RPRML: variants seen among roughly 807,000 people sequenced by gnomAD.
The protein encoded by RPRML is reprimo like.
In RPRML, 4 loss-of-function variants were observed where a neutral mutation model predicts 5.2. The observed-to-expected ratio is 0.77, with a 90% CI of 0.38 to 1.76. RPRML has a LOEUF of 1.76. Among genes scored for constraint, RPRML ranks in the 40% most tolerant of loss-of-function variants. The pLI, the probability that RPRML is intolerant of heterozygous loss-of-function variation, is 0.04. For missense variants in RPRML, 181 were observed against 177.7 expected (o/e 1.02, Z -0.11); for synonymous variants, 79 against 89.1 (o/e 0.89, Z 0.64).
chr17:46,979,008 C>A lies in RPRML; in HGVS notation c.-1G>T. The A allele has an allele frequency of 7.1e-7, 1 of 1,400,870 alleles. No individual in the cohort carries two copies. The highest frequency in any genetic ancestry group is 1.6e-5 in the South Asian group (1 of 64,012). The allele number at this position is 1,400,870 out of a possible 1,614,324, so 86.8% of individuals were successfully genotyped here. A position where few individuals can be genotyped will look rare whatever the true frequency, so the allele number is the denominator to read the frequency against. On this transcript the variant is annotated 5_prime_UTR_variant, in exon 1 of 1. Transcript: ENST00000322329. Reference sequence around the variant, plus strand: ...TGTGGTTCAGGAAGGTCGCGTTCATCGCCGCGCGGCGCCGGGGGTCTCGGC... The same window carrying A: ...TGTGGTTCAGGAAGGTCGCGTTCATAGCCGCGCGGCGCCGGGGGTCTCGGC...
At position 46,978,687 on chromosome 17, in the gene RPRML, C is replaced by T. The variant is rs746758980; in HGVS notation, c.321G>A (p.Arg107=). 2 of 1,610,816 alleles carry T rather than the reference C, an allele frequency of 1.2e-6. No individual in the cohort carries two copies. The highest frequency in any genetic ancestry group is 1.7e-5 in the Admixed American group (1 of 59,772). The change falls in exon 1 of 1, where the codon CGG becomes CGA. Residue 107 remains arginine (R), a synonymous_variant. Transcript: ENST00000322329. ...TGGCTGCGCCCACGTCCTTGGAGGG[C>T]CGGCGCTCCTGCACCAGAAAGTTGA... ...SMINFLVQER[R]PSKDVGAAIL...
rs1293914888 is a variant in RPRML, at chr17:46,979,243, G to A, written c.-236C>T. On this transcript the variant is annotated 5_prime_UTR_variant, in exon 1 of 1. Coordinates refer to ENST00000322329, the MANE Select transcript of RPRML (RefSeq NM_203400.5). The stretch of plus-strand genomic sequence containing the variant: ...AGGCGGCGCAGGAGCTGGAGCCGGA[G>A]AACCTAGTGTGCTTAGCGGTCGCCC... The A allele has an allele frequency of 5.0e-6, 2 of 401,834 alleles. No homozygotes were observed. Among genetic ancestry groups the A allele is most frequent in the Non-Finnish European group, 9.0e-6 (2 of 222,542 alleles). The allele number at this position is 401,834 out of a possible 1,614,324, so 24.9% of individuals were successfully genotyped here.
chr17:46,978,902 G>A lies in RPRML; in HGVS notation c.106C>T (p.Leu36=). The change falls in exon 1 of 1, where the codon CTG becomes TTG. Residue 36 remains leucine (L), a synonymous_variant. Transcript: ENST00000322329. ...GGTGCGCCCCCTGGACAGCAGCCCAGCCACGTGCCCAGCCCGTGGGTGCGG... is the reference window on the plus strand; with the variant it reads ...GGTGCGCCCCCTGGACAGCAGCCCAACCACGTGCCCAGCCCGTGGGTGCGG... ...GNRTHGLGTW[L]GCCPGGAPLA... The A allele has an allele frequency of 6.7e-7, 1 of 1,498,046 alleles. No homozygotes were observed. 92.8% of individuals were successfully genotyped at this position (1,498,046 alleles called of 1,614,324 possible). A position where few individuals can be genotyped will look rare whatever the true frequency, so the allele number is the denominator to read the frequency against.
In RPRML at chr17:46,978,620, T is replaced by C. The variant is rs750733017; in HGVS notation, c.*25A>G. 2.6e-6 allele frequency: 4 copies of C among 1,561,866 alleles called. No individual in the cohort carries two copies. The highest frequency in any genetic ancestry group is 2.8e-5 in the African/African-American group (2 of 71,762). On this transcript the variant is annotated 3_prime_UTR_variant, in exon 1 of 1. Transcript: ENST00000322329. ...TCCGGGGTCCTTCTTGCAGCAGCGC[T>C]GGCGAGGGCGGACCCAGATGGCGCT...
chr17:46,978,573 G>T lies in RPRML; in HGVS notation c.*72C>A, dbSNP rs2091464721. On this transcript the variant is annotated 3_prime_UTR_variant, in exon 1 of 1. Coordinates refer to ENST00000322329, the MANE Select transcript of RPRML (RefSeq NM_203400.5). ...CCCGGAGGCGGCGGCAGAGCGCAGA[G>T]AGCGGGGCGAGGGTCCGGGTCTCCG... 8 of 1,506,250 alleles carry T rather than the reference G, an allele frequency of 5.3e-6. No homozygotes were observed. Among genetic ancestry groups the T allele is most frequent in the Non-Finnish European group, 7.1e-6 (8 of 1,128,180 alleles). The allele number at this position is 1,506,250 out of a possible 1,614,324, so 93.3% of individuals were successfully genotyped here.
rs963516409 is a variant in RPRML, at chr17:46,978,509, C to T, written c.*136G>A. On this transcript the variant is annotated 3_prime_UTR_variant, in exon 1 of 1. Transcript: ENST00000322329. ...CCCGCGCCCCCGCCGACAGTCTCGC[C>T]GCGTCCCCGCCCGGGCGCCCCAGGC... is the stretch of plus-strand genomic sequence containing the variant. 14 of 1,076,258 alleles carry T rather than the reference C, an allele frequency of 1.3e-5. No individual in the cohort carries two copies. Among genetic ancestry groups the T allele is most frequent in the Admixed American group, 9.3e-5 (3 of 32,122 alleles). The allele number at this position is 1,076,258 out of a possible 1,614,324, so 66.7% of individuals were successfully genotyped here. A position where few individuals can be genotyped will look rare whatever the true frequency, so the allele number is the denominator to read the frequency against.
chr17:46,978,566 G>T lies in RPRML; in HGVS notation c.*79C>A. 1.4e-6 allele frequency: 2 copies of T among 1,480,004 alleles called. No individual in the cohort carries two copies. Among genetic ancestry groups the T allele is most frequent in the South Asian group, 2.6e-5 (2 of 77,808 alleles). The allele number at this position is 1,480,004 out of a possible 1,614,324, so 91.7% of individuals were successfully genotyped here. ...CTGCCCGCCCGGAGGCGGCGGCAGA[G>T]CGCAGAGAGCGGGGCGAGGGTCCGG... is the stretch of plus-strand genomic sequence containing the variant. On this transcript the variant is annotated 3_prime_UTR_variant, in exon 1 of 1. Transcript: ENST00000322329.
In RPRML at chr17:46,978,511, C is replaced by A; in HGVS notation, c.*134G>T. 1 of 1,076,538 alleles carries A rather than the reference C, an allele frequency of 9.3e-7. No individual in the cohort carries two copies. The highest frequency in any genetic ancestry group is 1.7e-5 in the South Asian group (1 of 59,722). The allele number at this position is 1,076,538 out of a possible 1,614,324, so 66.7% of individuals were successfully genotyped here. Reference sequence around the variant, plus strand: ...CGCGCCCCCGCCGACAGTCTCGCCGCGTCCCCGCCCGGGCGCCCCAGGCAC... The same window carrying A: ...CGCGCCCCCGCCGACAGTCTCGCCGAGTCCCCGCCCGGGCGCCCCAGGCAC... On this transcript the variant is annotated 3_prime_UTR_variant, in exon 1 of 1. Coordinates refer to ENST00000322329, the MANE Select transcript of RPRML (RefSeq NM_203400.5).
chr17:46,979,144 G>A lies in RPRML; in HGVS notation c.-137C>T. Reference sequence around the variant, plus strand: ...GGGGAGGGGACGAAGGCGGGAGGCTGGCTGCCTGCGCGCTCTCGGGCCGCC... The same window carrying A: ...GGGGAGGGGACGAAGGCGGGAGGCTAGCTGCCTGCGCGCTCTCGGGCCGCC... On this transcript the variant is annotated 5_prime_UTR_variant, in exon 1 of 1. Transcript: ENST00000322329. 3 of 957,848 alleles carry A rather than the reference G, an allele frequency of 3.1e-6. No individual in the cohort carries two copies. Among genetic ancestry groups the A allele is most frequent in the Non-Finnish European group, 4.2e-6 (3 of 717,670 alleles). The allele number at this position is 957,848 out of a possible 1,614,324, so 59.3% of individuals were successfully genotyped here. A position where few individuals can be genotyped will look rare whatever the true frequency, so the allele number is the denominator to read the frequency against.
Position 46,978,760 on chromosome 17 carries a change from C to T in RPRML, c.248G>A (p.Gly83Asp). The change falls in exon 1 of 1, where the codon GGC (glycine) becomes GAC (aspartate). Residue 83 changes from glycine (G) to aspartate (D), a missense_variant. Coordinates refer to ENST00000322329, the MANE Select transcript of RPRML (RefSeq NM_203400.5). ...LCVLSLTVVF[G>D]VFFLGCNLLI... ...CAGGTTGCAGCCCAGGAAGAAGACGCCGAAGACCACGGTAAGCGACAGCAC... is the reference window on the plus strand; with the variant it reads ...CAGGTTGCAGCCCAGGAAGAAGACGTCGAAGACCACGGTAAGCGACAGCAC... 2 of 1,612,708 alleles carry T rather than the reference C, an allele frequency of 1.2e-6. No homozygotes were observed. Among genetic ancestry groups the T allele is most frequent in the Non-Finnish European group, 1.7e-6 (2 of 1,179,582 alleles).
chr17:46,978,953 C>T lies in RPRML; in HGVS notation c.55G>A (p.Gly19Ser), dbSNP rs529201942. The T allele has an allele frequency of 8.9e-5, 129 of 1,454,090 alleles. 1 individual carries two copies. In the African/African-American group the frequency reaches 1.8e-3, roughly 21 times the overall value. The allele number at this position is 1,454,090 out of a possible 1,614,324, so 90.1% of individuals were successfully genotyped here. A position where few individuals can be genotyped will look rare whatever the true frequency, so the allele number is the denominator to read the frequency against. ...SGLEEVDGVG[G>S]GAGAALGNRT... The stretch of plus-strand genomic sequence containing the variant: ...TTTCCCAGGGCGGCCCCGGCGCCGC[C>T]GCCCACGCCGTCCACCTCCTCCAAG... Residue 19 changes from glycine (G) to serine (S), a missense_variant, in exon 1 of 1, where the codon GGC becomes AGC. Gly to Ser is a moderately conservative substitution (Grantham distance 56). Transcript: ENST00000322329.
rs1377657132 is a variant in RPRML at position 46,978,487 on chromosome 17, G to A, written c.*158C>T. 10 of 817,706 alleles carry A rather than the reference G, an allele frequency of 1.2e-5. No homozygotes were observed. Among genetic ancestry groups the A allele is most frequent in the East Asian group, 3.0e-5 (1 of 33,244 alleles). 50.7% of individuals were successfully genotyped at this position (817,706 alleles called of 1,614,324 possible). On this transcript the variant is annotated 3_prime_UTR_variant, in exon 1 of 1. Coordinates refer to ENST00000322329, the MANE Select transcript of RPRML (RefSeq NM_203400.5). ...GAGCCGGGCGTCCAAGTCCCTTCCC[G>A]CGCCCCCGCCGACAGTCTCGCCGCG...
At position 46,979,013 on chromosome 17, in the gene RPRML, C is replaced by T; in HGVS notation, c.-6G>A. On this transcript the variant is annotated 5_prime_UTR_variant, in exon 1 of 1. Coordinates refer to ENST00000322329, the MANE Select transcript of RPRML (RefSeq NM_203400.5). ...TTCAGGAAGGTCGCGTTCATCGCCG[C>T]GCGGCGCCGGGGGTCTCGGCGCGCA... 4 of 1,400,802 alleles carry T rather than the reference C, an allele frequency of 2.9e-6. No individual in the cohort carries two copies. Among genetic ancestry groups the T allele is most frequent in the Non-Finnish European group, 3.7e-6 (4 of 1,090,126 alleles). The allele number at this position is 1,400,802 out of a possible 1,614,324, so 86.8% of individuals were successfully genotyped here. A position where few individuals can be genotyped will look rare whatever the true frequency, so the allele number is the denominator to read the frequency against.
chr17:46,978,886 C>A lies in RPRML; in HGVS notation c.122G>T (p.Gly41Val). Residue 41 changes from glycine to valine, a missense_variant, in exon 1 of 1, where the codon GGG becomes GTG. Physicochemically the swap from Gly to Val is moderately radical, Grantham distance 109. Coordinates refer to ENST00000322329, the MANE Select transcript of RPRML (RefSeq NM_203400.5). ...GTCGCTGGCGGCCAGCGGTGCGCCC[C>A]CTGGACAGCAGCCCAGCCACGTGCC... is the stretch of plus-strand genomic sequence containing the variant. ...GLGTWLGCCP[G>V]GAPLAASDGV... The A allele has an allele frequency of 2.6e-6, 4 of 1,541,072 alleles. No individual in the cohort carries two copies. The highest frequency in any genetic ancestry group is 2.4e-5 in the East Asian group (1 of 41,168).
chr17:46,978,810 C>T lies in RPRML; in HGVS notation c.198G>A (p.Arg66=). The stretch of plus-strand genomic sequence containing the variant: ...CGCAGAGCACGGCGATCTGCGCCAC[C>T]CGCGACACCCACAGGCTGCGCTCGT... ...APDERSLWVS[R]VAQIAVLCVL... is the part of the protein sequence containing the mutation. The change falls in exon 1 of 1, where the codon CGG becomes CGA. Residue 66 remains arginine, a synonymous_variant. Coordinates refer to ENST00000322329, the MANE Select transcript of RPRML (RefSeq NM_203400.5). The T allele has an allele frequency of 6.2e-7, 1 of 1,610,910 alleles. No homozygotes were observed. Among genetic ancestry groups the T allele is most frequent in the South Asian group, 1.1e-5 (1 of 90,796 alleles).
rs1427692374 is a variant in RPRML, at chr17:46,979,090, C to G, written c.-83G>C. 1 of 1,239,970 alleles carries G rather than the reference C, an allele frequency of 8.1e-7. No homozygotes were observed. The highest frequency in any genetic ancestry group is 2.5e-5 in the South Asian group (1 of 40,246). 76.8% of individuals were successfully genotyped at this position (1,239,970 alleles called of 1,614,324 possible). A position where few individuals can be genotyped will look rare whatever the true frequency, so the allele number is the denominator to read the frequency against. ...GGGGTCCGCGCTCTCAGGGACGCTC[C>G]GGACCCCTCGGACCGGCTCCTGCGG... On this transcript the variant is annotated 5_prime_UTR_variant, in exon 1 of 1. Transcript: ENST00000322329.
chr17:46,978,628 GCGGACC>G lies in RPRML; in HGVS notation c.*11_*16del. The stretch of plus-strand genomic sequence containing the variant: ...CCTTCTTGCAGCAGCGCTGGCGAGG[GCGGACC>G]CAGATGGCGCTCAGTACAGCCCCAG... On this transcript the variant is annotated 3_prime_UTR_variant, in exon 1 of 1. Coordinates refer to ENST00000322329, the MANE Select transcript of RPRML (RefSeq NM_203400.5). 1 of 1,574,730 alleles carries G rather than the reference GCGGACC, an allele frequency of 6.4e-7. No individual in the cohort carries two copies. Among genetic ancestry groups the G allele is most frequent in the East Asian group, 2.4e-5 (1 of 41,800 alleles).
chr17:46,979,109 C>G lies in RPRML; in HGVS notation c.-102G>C. ...ACGCTCCGGACCCCTCGGACCGGCTCCTGCGGTACGGGGAGGGGACGAAGG... is the reference window on the plus strand; with the variant it reads ...ACGCTCCGGACCCCTCGGACCGGCTGCTGCGGTACGGGGAGGGGACGAAGG... On this transcript the variant is annotated 5_prime_UTR_variant, in exon 1 of 1. Coordinates refer to ENST00000322329, the MANE Select transcript of RPRML (RefSeq NM_203400.5). 8.5e-7 allele frequency: 1 copy of G among 1,176,706 alleles called. No homozygotes were observed. The highest frequency in any genetic ancestry group is 1.1e-6 in the Non-Finnish European group (1 of 917,208). The allele number at this position is 1,176,706 out of a possible 1,614,324, so 72.9% of individuals were successfully genotyped here. A position where few individuals can be genotyped will look rare whatever the true frequency, so the allele number is the denominator to read the frequency against.
chr17:46,978,987 G>A lies in RPRML; in HGVS notation c.21C>T (p.Asn7=), dbSNP rs773906479. 2.1e-6 allele frequency: 3 copies of A among 1,432,246 alleles called. No homozygotes were observed. The highest frequency in any genetic ancestry group is 2.7e-6 in the Non-Finnish European group (3 of 1,104,000). The allele number at this position is 1,432,246 out of a possible 1,614,324, so 88.7% of individuals were successfully genotyped here. ...CGTCCACCTCCTCCAAGCCGCTGTG[G>A]TTCAGGAAGGTCGCGTTCATCGCCG... MNATFL[N]HSGLEEVDGV... The change falls in exon 1 of 1, where the codon AAC becomes AAT. Residue 7 remains asparagine (N), a synonymous_variant. Coordinates refer to ENST00000322329, the MANE Select transcript of RPRML (RefSeq NM_203400.5).
Sources: allele counts gnomAD v4.1 joint callset, GRCh38; gene constraint gnomAD v4.1.1; transcripts MANE v1.5; gene names NCBI Gene and HGNC (gene_info 2026-07-23, HGNC 2026-07-21).